FHOD3: variants seen among roughly 807,000 people sequenced by gnomAD.
The protein encoded by FHOD3 is formin homology 2 domain containing 3.
A neutral mutation model predicts 173.0 loss-of-function variants in FHOD3; 90 were observed. The observed-to-expected ratio is 0.52, with a 90% CI of 0.44 to 0.62. FHOD3 has a LOEUF of 0.62. Among genes scored for constraint, FHOD3 ranks in the 20% least tolerant of loss-of-function variants. The pLI, the probability that FHOD3 is intolerant of heterozygous loss-of-function variation, is 0.00. For missense variants in FHOD3, 1,945 were observed against 2,034.7 expected, an observed-to-expected ratio of 0.96 and a Z score of 0.85; for synonymous variants, 828 against 823.0, an observed-to-expected ratio of 1.01 and a Z score of -0.10.
intron 9 of FHOD3, among the ~76,000 whole-genome samples, chr18:36,617,370 G>T (rs933745975): frequency 1.3e-5 from 2 of 152,120 alleles, no homozygotes; most frequent in African/African-American, 4.8e-5. Context: ...TTTATAAATG[G>T]AATCGTATCT....
chr18:36,571,876 A>C (rs2058464950), intron 5 of FHOD3, among the ~76,000 whole-genome samples: 1 of 152,256 alleles, frequency 6.6e-6, no homozygotes. Context: ...AAGAGGAGAA[A>C]CTACATATTT....
At chr18:36,373,685 G>A (rs534377076) in intron 3 of FHOD3, among the ~76,000 whole-genome samples, 1 of 152,244 alleles carries the variant, frequency 6.6e-6, no homozygotes, top group African/African-American at 2.4e-5. Context: ...GGACTGAAAG[G>A]TCAGGGTGTC....
intron 5 of FHOD3, among the ~76,000 whole-genome samples, chr18:36,574,563 A>G (rs1306920023): frequency 6.6e-6 from 1 of 152,166 alleles, no homozygotes; most frequent in Non-Finnish European, 1.5e-5. Context: ...AATGCTGCAT[A>G]CAGATTTCTC....
intron 3 of FHOD3, among the ~76,000 whole-genome samples, chr18:36,481,623 CT>C (rs753513756): frequency 3.9e-4 from 59 of 152,166 alleles, no homozygotes; most frequent in Non-Finnish European, 6.3e-4. Context: ...ATTTTTCTCT[CT>C]TGGTATTTTG....
In FHOD3 at chr18:36,780,123, A is replaced by T; in HGVS notation, c.*593A>T. ...AGTTCCACAGGCTCGCCTCTTCAGA[A>T]TGGCAAAACTCTTCTCAGTGTCCTC... On this transcript the variant is annotated 3_prime_UTR_variant, in exon 29 of 29. Transcript: ENST00000590592. 1 of 1,232,142 alleles carries T rather than the reference A, an allele frequency of 8.1e-7. No homozygotes were observed. Among genetic ancestry groups the T allele is most frequent in the African/African-American group, 1.5e-5 (1 of 64,554 alleles). 76.3% of individuals were successfully genotyped at this position (1,232,142 alleles called of 1,614,324 possible).
intron 8 of FHOD3, among the ~76,000 whole-genome samples, chr18:36,608,330 G>T (rs757491181): frequency 6.6e-6 from 1 of 152,222 alleles, no homozygotes; most frequent in Non-Finnish European, 1.5e-5. Context: ...GGTGAGGGAG[G>T]TTGTAGGGAA....
At chr18:36,382,098 G>A (rs1057329623) in intron 3 of FHOD3, among the ~76,000 whole-genome samples, 1 of 152,208 alleles carries the variant, frequency 6.6e-6, no homozygotes, top group Non-Finnish European at 1.5e-5. Context: ...GATGGTGGTG[G>A]TTTGAGATAG....
At position 36,759,153 on chromosome 18, in the gene FHOD3, T is replaced by TGAACATGAAGAATGCC; in HGVS notation, c.4449+12_4449+13insGAACATGAAGAATGCC. ...AGGAGGAAGTTGAGGTATGACCATT[T>TGAACATGAAGAATGCC]ATGAACATGAAGAATGCCACATTTT... On this transcript the variant is annotated intron_variant, in intron 26 of 28. Coordinates refer to ENST00000590592, the MANE Select transcript of FHOD3 (RefSeq NM_001281740.3). The TGAACATGAAGAATGCC allele has an allele frequency of 6.5e-7, 1 of 1,535,806 alleles. No individual in the cohort carries two copies. The highest frequency in any genetic ancestry group is 1.4e-5 in the African/African-American group (1 of 73,148).
intron 28 of FHOD3, among the ~76,000 whole-genome samples, chr18:36,776,813 G>A (rs1446880224): frequency 6.6e-6 from 1 of 152,282 alleles, no homozygotes; most frequent in East Asian, 1.9e-4. Context: ...GAGGGCACAG[G>A]CTCTGTGCTG....
intron 3 of FHOD3, among the ~76,000 whole-genome samples, chr18:36,493,096 A>G (rs1194764258): frequency 3.9e-5 from 6 of 152,136 alleles, no homozygotes; most frequent in Non-Finnish European, 7.4e-5. Flanking sequence ...GATTCGGTCC[A>G]TGATTTTTAC....
At chr18:36,458,723 A>T (rs1449151457) in intron 3 of FHOD3, among the ~76,000 whole-genome samples, 1 of 148,526 alleles carries the variant, frequency 6.7e-6, no homozygotes, top group Non-Finnish European at 1.5e-5. Flanking sequence ...TGAAATCTCA[A>T]AGTGGCTCTG....
At chr18:36,737,427 A>G (rs575628757) in intron 20 of FHOD3, among the ~76,000 whole-genome samples, 1 of 152,350 alleles carries the variant, frequency 6.6e-6, no homozygotes, top group African/African-American at 2.4e-5. Context: ...TAAGGAGGCA[A>G]CATCTGCTTG....
intron 3 of FHOD3, among the ~76,000 whole-genome samples, chr18:36,394,390 G>A (rs1216321923): frequency 6.6e-6 from 1 of 152,114 alleles, no homozygotes; most frequent in African/African-American, 2.4e-5. Context: ...TCTGGAAATG[G>A]CATATAGAAT....
chr18:36,599,938 A>G (rs1038377399), intron 7 of FHOD3, among the ~76,000 whole-genome samples: 11 of 148,244 alleles, frequency 7.4e-5, no homozygotes, highest in African/African-American at 2.8e-4. Context: ...AAAGGCTCTC[A>G]CAGAACCTGT....
intron 14 of FHOD3, among the ~76,000 whole-genome samples, chr18:36,658,546 A>G (rs1219725965): frequency 1.3e-5 from 2 of 152,208 alleles, no homozygotes; most frequent in Non-Finnish European, 2.9e-5. Flanking sequence ...TTCACCATTG[A>G]ATGATTAAAT....
Position 36,780,055 on chromosome 18 carries a change from C to T in FHOD3, c.*525C>T, listed in dbSNP as rs2043964315. On this transcript the variant is annotated 3_prime_UTR_variant, in exon 29 of 29. Transcript: ENST00000590592. ...ATACTAAATAAATAGAGTTTAATGC[C>T]ATAATGAGAAACTTTTATTCTTCTG... The T allele has an allele frequency of 1.0e-6, 1 of 953,700 alleles. No homozygotes were observed. Among genetic ancestry groups the T allele is most frequent in the Admixed American group, 4.3e-5 (1 of 23,460 alleles). The allele number at this position is 953,700 out of a possible 1,614,324, so 59.1% of individuals were successfully genotyped here. A position where few individuals can be genotyped will look rare whatever the true frequency, so the allele number is the denominator to read the frequency against.
intron 28 of FHOD3, chr18:36,778,680 G>T (rs1176023443): frequency 2.0e-5 from 3 of 152,196 alleles, no homozygotes; most frequent in Non-Finnish European, 4.4e-5. Flanking sequence ...AGTGAGAGTG[G>T]TCATTGGCCA....
At chr18:36,685,755 C>A (rs1328331719) in intron 15 of FHOD3, among the ~76,000 whole-genome samples, 1 of 152,076 alleles carries the variant, frequency 6.6e-6, no homozygotes, top group African/African-American at 2.4e-5. Context: ...TGTTGAAAAC[C>A]ATGATGTTAG....
At chr18:36,588,502 C>T (rs1310668056) in intron 6 of FHOD3, among the ~76,000 whole-genome samples, 2 of 152,118 alleles carry the variant, frequency 1.3e-5, no homozygotes, top group African/African-American at 4.8e-5. Context: ...GAAAATGAAA[C>T]AAATAAAATG....
Sources: gnomAD v4.1 joint callset for allele counts (sites outside exome capture counted in the v4.1 genomes callset) on GRCh38, gnomAD v4.1.1 for gene constraint, MANE v1.5 for transcripts, NCBI Gene and HGNC (gene_info 2026-07-23, HGNC 2026-07-21) for gene names.